The following NFIB variants were observed in gnomAD, a reference collection of about 807,000 sequenced individuals.
The protein encoded by NFIB is nuclear factor 1 B-type.
Under a neutral mutation model 61.5 loss-of-function variants are expected in NFIB, and 11 were observed. The ratio of observed to expected loss-of-function variants is 0.18; its 90% CI spans 0.11 to 0.30. The LOEUF is 0.30. Ranked by LOEUF, NFIB falls within the 10% of genes least tolerant of loss-of-function variation. NFIB has a pLI of 1.00. For synonymous variants in NFIB, 260 were observed against 216.5 expected, an observed-to-expected ratio of 1.20 and a Z score of -1.76; for missense variants, 471 against 608.9, an observed-to-expected ratio of 0.77 and a Z score of 2.38.
At chr9:14,379,903 G>C (rs1195381132) in intron 1 of NFIB, among the ~76,000 whole-genome samples, 1 of 151,676 alleles carries the variant, frequency 6.6e-6, no homozygotes, top group Non-Finnish European at 1.5e-5. Context: ...GGCTGGTCTC[G>C]AACTCCTGAC....
chr9:14,163,932 A>C (rs1292097168), intron 3 of NFIB, among the ~76,000 whole-genome samples: 3 of 151,868 alleles, frequency 2.0e-5, no homozygotes, highest in African/African-American at 4.8e-5. Context: ...AAATTAAGAA[A>C]ATAAACCATG....
intron 2 of NFIB, among the ~76,000 whole-genome samples, chr9:14,303,066 G>A (rs1304307504): frequency 1.3e-5 from 2 of 152,078 alleles, no homozygotes; most frequent in East Asian, 1.9e-4. Context: ...AGACCTTAAC[G>A]CATAGGTCTC....
the NFIB span, among the ~76,000 whole-genome samples, chr9:14,447,379 C>A: frequency 6.6e-6 from 1 of 152,178 alleles, no homozygotes; most frequent in Admixed American, 6.5e-5. Flanking sequence ...TTCTTTAGAG[C>A]TTGGAAAGAA....
intron 6 of NFIB, among the ~76,000 whole-genome samples, chr9:14,129,348 T>C (rs1299888747): frequency 2.1e-5 from 3 of 143,562 alleles, no homozygotes; most frequent in Admixed American, 7.1e-5. Context: ...GAAGGCACTA[T>C]GCTAAGAACT....
chr9:14,508,502 C>T, the NFIB span, among the ~76,000 whole-genome samples: 3 of 152,186 alleles, frequency 2.0e-5, no homozygotes, highest in Non-Finnish European at 4.4e-5. Context: ...AATTTAAATA[C>T]AGTCTAGAAC....
At chr9:14,245,994 T>G (rs1048406300) in intron 2 of NFIB, among the ~76,000 whole-genome samples, 1 of 151,066 alleles carries the variant, frequency 6.6e-6, no homozygotes, top group Non-Finnish European at 1.5e-5. Flanking sequence ...TCTAGAGGAG[T>G]GTTTTGAAGA....
chr9:14,192,681 A>G (rs917813397), intron 2 of NFIB, among the ~76,000 whole-genome samples: 5 of 152,124 alleles, frequency 3.3e-5, no homozygotes, highest in Non-Finnish European at 5.9e-5. Flanking sequence ...TCTTGCTTCC[A>G]CTGAACAAGT....
chr9:14,383,823 C>T (rs1427420076), intron 1 of NFIB, among the ~76,000 whole-genome samples: 1 of 152,224 alleles, frequency 6.6e-6, no homozygotes, highest in African/African-American at 2.4e-5. Flanking sequence ...GAGCCCATTA[C>T]AATTTACAAA....
chr9:14,232,186 A>G (rs181060533), intron 2 of NFIB, among the ~76,000 whole-genome samples: 1 of 152,188 alleles, frequency 6.6e-6, no homozygotes, highest in Non-Finnish European at 1.5e-5. Flanking sequence ...GGATGTTAGG[A>G]AGAAAAAAAC....
At chr9:14,281,761 A>G (rs2058383199) in intron 2 of NFIB, among the ~76,000 whole-genome samples, 1 of 152,296 alleles carries the variant, frequency 6.6e-6, no homozygotes, top group Non-Finnish European at 1.5e-5. Context: ...ATGTCAGGTC[A>G]CTTATGACCT....
intron 3 of NFIB, among the ~76,000 whole-genome samples, chr9:14,175,163 A>ATTTTT (rs375736787): frequency 0.084 from 8,530 of 101,404 alleles, 841 homozygotes; most frequent in Non-Finnish European, 0.11. Flanking sequence ...GACTTAAAGA[A>ATTTTT]TTTCTTTTTT....
chr9:14,501,283 T>G, the NFIB span, among the ~76,000 whole-genome samples: 60 of 152,294 alleles, frequency 3.9e-4, no homozygotes, highest in African/African-American at 1.4e-3. Flanking sequence ...TTCCCTGCCC[T>G]TCAAAGAAGC....
rs572682046 is a variant in NFIB at position 14,216,369 on chromosome 9, T to C, written c.563-36589A>G. On this transcript the variant is annotated intron_variant, in intron 2 of 10. Transcript: ENST00000380953. ...AGTCACTTTACTGGCCACTATTAAG[T>C]CTCTGTGTGGATGAAGTAGAAACTA... Among the ~76,000 whole-genome samples the C allele has an allele frequency of 5.3e-5, 8 of 152,220 alleles. No individual in the cohort carries two copies. The East Asian group carries it at 1.5e-3, about 29-fold the overall frequency.
At chr9:14,411,353 T>C in the NFIB span, among the ~76,000 whole-genome samples, 7 of 152,184 alleles carry the variant, frequency 4.6e-5, no homozygotes, top group African/African-American at 9.7e-5. Context: ...AATTTGTCGA[T>C]TGATCTATTA....
chr9:14,389,248 T>C (rs545789261), intron 1 of NFIB, among the ~76,000 whole-genome samples: 1 of 152,212 alleles, frequency 6.6e-6, no homozygotes, highest in African/African-American at 2.4e-5. Context: ...CTGGTGCTCA[T>C]GATTCTTTTG....
chr9:14,170,773 C>A (rs549941661), intron 3 of NFIB, among the ~76,000 whole-genome samples: 29 of 152,244 alleles, frequency 1.9e-4, no homozygotes, highest in African/African-American at 5.3e-4. Context: ...AGGATTCTGA[C>A]CCTCCCTTAA....
At chr9:14,133,259 G>C (rs1373929499) in intron 6 of NFIB, among the ~76,000 whole-genome samples, 2 of 152,022 alleles carry the variant, frequency 1.3e-5, no homozygotes, top group Non-Finnish European at 1.5e-5. Flanking sequence ...TCATTGCTGG[G>C]TGAAGGCAAA....
intron 4 of NFIB, among the ~76,000 whole-genome samples, chr9:14,152,411 T>C (rs1050634726): frequency 3.9e-5 from 6 of 152,202 alleles, no homozygotes; most frequent in Admixed American, 1.3e-4. Flanking sequence ...AATTTATTAT[T>C]AGAACCATGT....
At chr9:14,399,015 T>G (rs1254324733), upstream of NFIB, 5 of 224,362 alleles carry the variant, frequency 2.2e-5, no homozygotes, top group African/African-American at 6.7e-5. Flanking sequence ...GACTACTGAG[T>G]ACTTGAAATG....
Sources: allele counts gnomAD v4.1 joint callset (sites outside exome capture counted in the v4.1 genomes callset), GRCh38; gene constraint gnomAD v4.1.1; transcripts MANE v1.5; gene names NCBI Gene and HGNC (gene_info 2026-07-23, HGNC 2026-07-21).